MARCHF3: variants seen among roughly 807,000 people sequenced by gnomAD.
MARCHF3 encodes the protein membrane associated ring-CH-type finger 3, also known as E3 ubiquitin-protein ligase MARCHF3.
MARCHF3 carries 13 observed loss-of-function variants against 24.2 expected under a neutral mutation model. The ratio of observed to expected loss-of-function variants is 0.54; its 90% CI spans 0.35 to 0.85. The LOEUF (loss-of-function observed/expected upper bound fraction) is 0.85, where lower values mean the gene tolerates loss of function less well. MARCHF3 is among the 40% of genes least tolerant of loss of function. The pLI, the probability that MARCHF3 is intolerant of heterozygous loss-of-function variation, is 0.01. For synonymous variants in MARCHF3, 144 were observed against 137.3 expected (o/e 1.05, Z -0.34); for missense variants, 276 against 325.0 (o/e 0.85, Z 1.16).
At chr5:126,871,874 T>TGA (rs1246266454) in intron 4 of MARCHF3, among the ~76,000 whole-genome samples, 1 of 151,092 alleles carries the variant, frequency 6.6e-6, no homozygotes, top group African/African-American at 2.4e-5. Flanking sequence ...GCCTGGCAAA[T>TGA]TTTTGTGTTT....
At chr5:126,917,276 T>C (rs571567105) in intron 2 of MARCHF3, among the ~76,000 whole-genome samples, 5 of 152,294 alleles carry the variant, frequency 3.3e-5, no homozygotes, top group African/African-American at 1.2e-4. Context: ...TGGCAGCCCA[T>C]AGCTCCCTAT....
At chr5:126,949,688 G>A (rs944509188) in intron 1 of MARCHF3, among the ~76,000 whole-genome samples, 3 of 152,158 alleles carry the variant, frequency 2.0e-5, no homozygotes, top group African/African-American at 7.2e-5. Context: ...CAAAGGAATT[G>A]CAGAATTCCC....
chr5:126,899,040 C>T (rs561992921), intron 3 of MARCHF3: 1 of 985,306 alleles, frequency 1.0e-6, no homozygotes, highest in East Asian at 1.1e-4. Context: ...ACCTTCTTCT[C>T]ACATATCCAT....
chr5:127,008,048 AG>A (rs1371572412), intron 1 of MARCHF3, among the ~76,000 whole-genome samples: 1 of 152,190 alleles, frequency 6.6e-6, no homozygotes, highest in African/African-American at 2.4e-5. Flanking sequence ...TCTAGTCTAA[AG>A]AACAGAGGAG....
intron 1 of MARCHF3, among the ~76,000 whole-genome samples, chr5:127,004,445 T>C (rs1752241872): frequency 6.6e-6 from 1 of 152,184 alleles, no homozygotes; most frequent in African/African-American, 2.4e-5. Flanking sequence ...GAATTTAAAT[T>C]TACTTTATTC....
At chr5:127,017,719 A>G (rs1752676573) in intron 1 of MARCHF3, among the ~76,000 whole-genome samples, 1 of 152,222 alleles carries the variant, frequency 6.6e-6, no homozygotes, top group African/African-American at 2.4e-5. Flanking sequence ...GTCGAGGACT[A>G]TCTACACTAA....
intron 1 of MARCHF3, among the ~76,000 whole-genome samples, chr5:127,010,885 C>T (rs1028170565): frequency 3.9e-5 from 6 of 151,916 alleles, no homozygotes; most frequent in African/African-American, 7.3e-5. Context: ...AGGAGAATGG[C>T]GGTTGCTAGG....
In MARCHF3 at chr5:126,868,675, T is replaced by A. The variant is rs768535151; in HGVS notation, c.*1958A>T. The A allele has an allele frequency of 5.3e-5, 8 of 152,242 alleles. No homozygotes were observed. Among genetic ancestry groups the A allele is most frequent in the Non-Finnish European group, 1.0e-4 (7 of 68,058 alleles). The allele number at this position is 152,242 out of a possible 1,614,324, so 9.4% of individuals were successfully genotyped here. A position where few individuals can be genotyped will look rare whatever the true frequency, so the allele number is the denominator to read the frequency against. On this transcript the variant is annotated 3_prime_UTR_variant, in exon 5 of 5. Transcript: ENST00000308660. ...AGGGAGAAGGGGTATGGTCCTCTCATGAATGTTGTGCCATTCAGTTGAGAC... is the reference window on the plus strand; with the variant it reads ...AGGGAGAAGGGGTATGGTCCTCTCAAGAATGTTGTGCCATTCAGTTGAGAC...
intron 3 of MARCHF3, among the ~76,000 whole-genome samples, chr5:126,882,478 T>C (rs1398610025): frequency 1.3e-5 from 2 of 152,242 alleles, no homozygotes; most frequent in East Asian, 3.8e-4. Flanking sequence ...TAATTCATAA[T>C]AGACAAGGGG....
At chr5:126,904,795 C>A (rs1174652543) in intron 3 of MARCHF3, among the ~76,000 whole-genome samples, 1 of 151,402 alleles carries the variant, frequency 6.6e-6, no homozygotes, top group Non-Finnish European at 1.5e-5. Context: ...GTTTCTTTTG[C>A]TGTGCAGAAG....
intron 4 of MARCHF3, 84 bp from the exon 5 acceptor site, chr5:126,870,875 T>C: frequency 6.5e-7 from 1 of 1,542,264 alleles, no homozygotes; most frequent in Non-Finnish European, 8.8e-7. Context: ...ATATGTCATT[T>C]GAAAGAGCTT....
chr5:126,936,051 A>G (rs577722587), intron 1 of MARCHF3, among the ~76,000 whole-genome samples: 61 of 152,326 alleles, frequency 4.0e-4, no homozygotes, highest in Non-Finnish European at 8.1e-4. Flanking sequence ...AAAGTAATCT[A>G]TAATCCCTGC....
At chr5:127,020,743 C>T (rs951037547) in intron 1 of MARCHF3, among the ~76,000 whole-genome samples, 6 of 151,866 alleles carry the variant, frequency 4.0e-5, no homozygotes, top group Non-Finnish European at 7.4e-5. Flanking sequence ...CACAGCTACT[C>T]GGGAAGCTAT....
chr5:126,962,828 T>TGTGC (rs1185563689), intron 1 of MARCHF3, among the ~76,000 whole-genome samples: 19 of 81,672 alleles, frequency 2.3e-4, no homozygotes, highest in Middle Eastern at 4.6e-3. Flanking sequence ...TGTGTGTGTG[T>TGTGC]GTGTGCGTGT....
At chr5:126,889,863 A>G (rs1284087462) in intron 3 of MARCHF3, among the ~76,000 whole-genome samples, 2 of 152,180 alleles carry the variant, frequency 1.3e-5, no homozygotes, top group Non-Finnish European at 2.9e-5. Flanking sequence ...TTGAATTTCA[A>G]AGGGATCCCA....
At chr5:126,900,462 C>A (rs1754066663) in intron 3 of MARCHF3, among the ~76,000 whole-genome samples, 1 of 152,016 alleles carries the variant, frequency 6.6e-6, no homozygotes, top group Admixed American at 6.6e-5. Flanking sequence ...TCCCGTCTAC[C>A]ATGTGAGGAC....
chr5:126,882,680 A>T (rs1753382537), intron 3 of MARCHF3, among the ~76,000 whole-genome samples: 1 of 152,128 alleles, frequency 6.6e-6, no homozygotes, highest in Admixed American at 6.5e-5. Flanking sequence ...ATTCAAACTT[A>T]CCTTTACATC....
At chr5:126,940,508 T>C (rs1749792487) in intron 1 of MARCHF3, among the ~76,000 whole-genome samples, 1 of 152,040 alleles carries the variant, frequency 6.6e-6, no homozygotes, top group Non-Finnish European at 1.5e-5. Flanking sequence ...GGTGTAGTGG[T>C]GTGATCCCAG....
chr5:126,948,356 ACT>A (rs758807630), intron 1 of MARCHF3, among the ~76,000 whole-genome samples: 35 of 151,484 alleles, frequency 2.3e-4, no homozygotes, highest in Non-Finnish European at 4.3e-4. Flanking sequence ...TGGTTGAAAA[ACT>A]CTGCAAATAC....
Sources: gnomAD v4.1 joint callset for allele counts (sites outside exome capture counted in the v4.1 genomes callset) on GRCh38, gnomAD v4.1.1 for gene constraint, MANE v1.5 for transcripts, NCBI Gene and HGNC (gene_info 2026-07-23, HGNC 2026-07-21) for gene names.